RTL3: variants seen among roughly 807,000 people sequenced by gnomAD.
The protein encoded by RTL3 is retrotransposon Gag like 3.
For synonymous variants in RTL3, 181 were observed against 132.2 expected, an observed-to-expected ratio of 1.37 and a Z score of -2.53; for missense variants, 468 against 341.8, an observed-to-expected ratio of 1.37 and a Z score of -2.91.
Position 78,657,145 on chromosome X carries a change from T to C in RTL3, c.1276A>G (p.Ile426Val), listed in dbSNP as rs141348477. 227 of 1,210,851 alleles carry C rather than the reference T, an allele frequency of 1.9e-4. No homozygotes were observed. Among genetic ancestry groups the C allele is most frequent in the Non-Finnish European group, 2.4e-4 (216 of 895,410 alleles). Reference protein sequence around the residue: ...PAENQPMQAAINCPHISEAEW... With the variant: ...PAENQPMQAAVNCPHISEAEW... ...GCTTCACTGATGTGTGGGCAGTTGATTGCAGCCTGCATAGGTTGGTTTTCA... is the reference window on the plus strand; with the variant it reads ...GCTTCACTGATGTGTGGGCAGTTGACTGCAGCCTGCATAGGTTGGTTTTCA... Residue 426 changes from isoleucine to valine, a missense_variant, in exon 2 of 2, where the codon ATC becomes GTC. Coordinates refer to ENST00000321110, the MANE Select transcript of RTL3 (RefSeq NM_152694.3).
rs1401476671 is a variant in RTL3, at chrX:78,656,897, C to T, written c.*96G>A. ...GCTTGCTCAAAGAATTATCTTCTTC[C>T]CAGTTGGATTTCAACAGTAAGCCAT... On this transcript the variant is annotated 3_prime_UTR_variant, in exon 2 of 2. Coordinates refer to ENST00000321110, the MANE Select transcript of RTL3 (RefSeq NM_152694.3). 2.3e-6 allele frequency: 2 copies of T among 865,276 alleles called. No homozygotes were observed. Among genetic ancestry groups the T allele is most frequent in the South Asian group, 5.4e-5 (2 of 36,845 alleles). The allele number at this position is 865,276 out of a possible 1,213,427, so 71.3% of individuals were successfully genotyped here.
rs1923022246 is a variant in RTL3 at position 78,657,398 on chromosome X, G to T, written c.1023C>A (p.Thr341=). 2 of 1,211,820 alleles carry T rather than the reference G, an allele frequency of 1.7e-6. No individual in the cohort carries two copies. Among genetic ancestry groups the T allele is most frequent in the East Asian group, 5.9e-5 (2 of 33,835 alleles). The part of the protein sequence containing the change: ...QLCQGEGHVA[T]HFHLIAQELN... ...GCTCTTGAGCAATGAGGTGGAAGTG[G>T]GTTGCTACATGACCCTCCCCTTGGC... Residue 341 remains threonine (T), a synonymous_variant, in exon 2 of 2, where the codon ACC becomes ACA. Transcript: ENST00000321110.
Position 78,657,261 on chromosome X carries a change from G to T in RTL3, c.1160C>A (p.Thr387Asn). Residue 387 changes from threonine (T) to asparagine (N), a missense_variant, in exon 2 of 2, where the codon ACT becomes AAT. Transcript: ENST00000321110. The stretch of plus-strand genomic sequence containing the variant: ...CTTCTCTTCCAGGCTGATGCACTGA[G>T]TGATGAGATCAGATAGGTTGGTGGC... ...SPATNLSDLITQCISLEEKPD... is the reference protein window; with the variant it reads ...SPATNLSDLINQCISLEEKPD... The T allele has an allele frequency of 8.3e-7, 1 of 1,212,108 alleles. No individual in the cohort carries two copies. The highest frequency in any genetic ancestry group is 1.1e-6 in the Non-Finnish European group (1 of 895,612).
At chrX:78,659,016 C>A (rs1020042936) in intron 1 of RTL3, among the ~76,000 whole-genome samples, 2 of 109,413 alleles carry the variant, frequency 1.8e-5, no homozygotes, top group African/African-American at 6.7e-5. Flanking sequence ...TTAGGCTCTG[C>A]GGTGGGCCAG....
rs1923007547 is a variant in RTL3 at position 78,657,056 on chromosome X, G to A, written c.1365C>T (p.Ala455=). The change falls in exon 2 of 2, where the codon GCC becomes GCT. Residue 455 remains alanine (A), a synonymous_variant. Coordinates refer to ENST00000321110, the MANE Select transcript of RTL3 (RefSeq NM_152694.3). The part of the protein sequence containing the change: ...CLYCGYPGHF[A]RDCPVKPHQA... ...GATGAGGCTTGACAGGGCAATCTCT[G>A]GCAAAATGACCAGGATAACCACAGT... 2.5e-6 allele frequency: 3 copies of A among 1,212,186 alleles called. No homozygotes were observed. Among genetic ancestry groups the A allele is most frequent in the East Asian group, 5.9e-5 (2 of 33,834 alleles).
Position 78,657,391 on chromosome X carries a change from G to A in RTL3, c.1030C>T (p.His344Tyr), listed in dbSNP as rs1420594406. ...QGEGHVATHF[H>Y]LIAQELNWDE... ...CAGTTCAGCTCTTGAGCAATGAGGT[G>A]GAAGTGGGTTGCTACATGACCCTCC... The change falls in exon 2 of 2, where the codon CAC becomes TAC. Residue 344 changes from histidine to tyrosine, a missense_variant. Coordinates refer to ENST00000321110, the MANE Select transcript of RTL3 (RefSeq NM_152694.3). The A allele has an allele frequency of 5.8e-6, 7 of 1,212,023 alleles. No individual in the cohort carries two copies. The highest frequency in any genetic ancestry group is 5.6e-6 in the Non-Finnish European group (5 of 895,555).
In RTL3 at chrX:78,657,696, A is replaced by G. The variant is rs746084470; in HGVS notation, c.725T>C (p.Leu242Ser). The change falls in exon 2 of 2, where the codon TTA (leucine) becomes TCA (serine). Residue 242 changes from leucine (L) to serine (S), a missense_variant. Physicochemically the swap from Leu to Ser is moderately radical, Grantham distance 145. Transcript: ENST00000321110. ...CTTCTGGGAATCTCCACTGAAGGTT[A>G]AAGTGTATTGCAGGGGGAAATCTGT... ...EATDFPLQYT[L>S]TFSGDSQKLP... is the part of the protein sequence containing the mutation. 4 of 1,210,344 alleles carry G rather than the reference A, an allele frequency of 3.3e-6. No individual in the cohort carries two copies. Among genetic ancestry groups the G allele is most frequent in the Non-Finnish European group, 4.5e-6 (4 of 894,890 alleles).
chrX:78,657,415 C>T lies in RTL3; in HGVS notation c.1006G>A (p.Glu336Lys). Residue 336 changes from glutamate (E) to lysine (K), a missense_variant, in exon 2 of 2, where the codon GAG (glutamate) becomes AAG (lysine). Glu to Lys is a moderately conservative substitution (Grantham distance 56, BLOSUM62 1). Coordinates refer to ENST00000321110, the MANE Select transcript of RTL3 (RefSeq NM_152694.3). ...NQCIHQLCQG[E>K]GHVATHFHLI... ...TGGAAGTGGGTTGCTACATGACCCT[C>T]CCCTTGGCAGAGTTGATGGATGCAC... 1.7e-6 allele frequency: 2 copies of T among 1,211,748 alleles called. No individual in the cohort carries two copies. The highest frequency in any genetic ancestry group is 3.5e-5 in the African/African-American group (2 of 57,842).
chrX:78,657,521 G>C lies in RTL3; in HGVS notation c.900C>G (p.Pro300=). The C allele has an allele frequency of 8.3e-7, 1 of 1,206,970 alleles. No individual in the cohort carries two copies. Among genetic ancestry groups the C allele is most frequent in the African/African-American group, 1.7e-5 (1 of 57,634 alleles). The change falls in exon 2 of 2, where the codon CCC becomes CCG. Residue 300 remains proline (P), a synonymous_variant. Transcript: ENST00000321110. ...TGAAACTTTCACATTGCTCCAGTAA[G>C]GGGCTTTGGATATCCAGTAAGAGCT... The part of the protein sequence containing the change: ...WFQLLLDIQS[P]LLEQCESFIP...
In RTL3 at chrX:78,656,643, A is replaced by C. The variant is rs773409571; in HGVS notation, c.*350T>G. ...GTGTCTCAAGCCAATGGATTCCAAT[A>C]ATCAGAGGGTATCGTGGTGCATGAA... On this transcript the variant is annotated 3_prime_UTR_variant, in exon 2 of 2. Coordinates refer to ENST00000321110, the MANE Select transcript of RTL3 (RefSeq NM_152694.3). The C allele has an allele frequency of 5.1e-6, 1 of 196,703 alleles. No individual in the cohort carries two copies. The highest frequency in any genetic ancestry group is 1.5e-4 in the South Asian group (1 of 6,728). 16.2% of individuals were successfully genotyped at this position (196,703 alleles called of 1,213,427 possible).
At position 78,657,671 on chromosome X, in the gene RTL3, C is replaced by A; in HGVS notation, c.750G>T (p.Lys250Asn). ...YTLTFSGDSQ[K>N]LPEFLVQLYS... ...ACAGCTGAACCAGGAACTCAGGAAG[C>A]TTCTGGGAATCTCCACTGAAGGTTA... The change falls in exon 2 of 2, where the codon AAG becomes AAT. Residue 250 changes from lysine (K) to asparagine (N), a missense_variant. Transcript: ENST00000321110. 8.3e-7 allele frequency: 1 copy of A among 1,208,800 alleles called. No homozygotes were observed. Among genetic ancestry groups the A allele is most frequent in the Non-Finnish European group, 1.1e-6 (1 of 894,036 alleles).
rs149485739 is a variant in RTL3, at chrX:78,657,899, C to A, written c.522G>T (p.Gln174His). ...GGAACTCTAGCTGTGCTGCAGTTTC[C>A]TGGTATTCTGGTGCCTCCTGGGGCT... is the stretch of plus-strand genomic sequence containing the variant. ...IEKPQEAPEY[Q>H]ETAAQLEFLE... is the part of the protein sequence containing the mutation. The change falls in exon 2 of 2, where the codon CAG becomes CAT. Residue 174 changes from glutamine to histidine, a missense_variant. Coordinates refer to ENST00000321110, the MANE Select transcript of RTL3 (RefSeq NM_152694.3). 2.1e-4 allele frequency: 253 copies of A among 1,205,573 alleles called. No homozygotes were observed. The African/African-American group carries it at 3.9e-3, about 18-fold the overall frequency.
intron 1 of RTL3, 111 bp from the exon 2 acceptor site, chrX:78,658,759 T>C (rs1423445426): frequency 9.0e-5 from 14 of 154,995 alleles, no homozygotes; most frequent in Non-Finnish European, 1.5e-4. Context: ...CTTATGTTCA[T>C]GAGCTGGGGT....
rs201919349 is a variant in RTL3 at position 78,658,163 on chromosome X, C to T, written c.258G>A (p.Gln86=). The part of the protein sequence containing the change: ...AQKTPEFKEP[Q]KPPEPQDLLP... ...GAAGATCCTGTGGCTCTGGTGGCTT[C>T]TGGGGTTCCTTGAACTCTGGGGTCT... The change falls in exon 2 of 2, where the codon CAG becomes CAA. Residue 86 remains glutamine, a synonymous_variant. Coordinates refer to ENST00000321110, the MANE Select transcript of RTL3 (RefSeq NM_152694.3). 30 of 1,176,536 alleles carry T rather than the reference C, an allele frequency of 2.5e-5. No individual in the cohort carries two copies. In the East Asian group the frequency reaches 8.7e-4, roughly 34 times the overall value.
rs772835189 is a variant in RTL3, at chrX:78,658,042, G to C, written c.379C>G (p.Pro127Ala). The change falls in exon 2 of 2, where the codon CCA becomes GCA. Residue 127 changes from proline (P) to alanine (A), a missense_variant. By Grantham distance (27) the Pro-to-Ala change is conservative. Coordinates refer to ENST00000321110, the MANE Select transcript of RTL3 (RefSeq NM_152694.3). ...PPATRESQKP[P>A]MAHEIPTVLE... ...ACTGTTGGGATCTCATGGGCCATTG[G>C]AGGTTTCTGGGACTCCCGGGTTGCT... is the stretch of plus-strand genomic sequence containing the variant. 19 of 1,158,340 alleles carry C rather than the reference G, an allele frequency of 1.6e-5. No individual in the cohort carries two copies. In the Admixed American group the frequency reaches 5.5e-4, roughly 33 times the overall value.
rs1264142133 is a variant in RTL3 at position 78,657,635 on chromosome X, C to T, written c.786G>A (p.Met262Ile). ...PEFLVQLYSY[M>I]RVRGHLYPTE... ...TGGGATACAGGTGCCCTCTGACTCT[C>T]ATGTAACTATACAGCTGAACCAGGA... is the stretch of plus-strand genomic sequence containing the variant. Residue 262 changes from methionine (M) to isoleucine (I), a missense_variant, in exon 2 of 2, where the codon ATG becomes ATA. By Grantham distance (10) the Met-to-Ile change is conservative. Transcript: ENST00000321110. The T allele has an allele frequency of 8.3e-7, 1 of 1,205,768 alleles. No homozygotes were observed. Among genetic ancestry groups the T allele is most frequent in the Non-Finnish European group, 1.1e-6 (1 of 893,099 alleles).
Position 78,657,736 on chromosome X carries a change from T to C in RTL3, c.685A>G (p.Ile229Val), listed in dbSNP as rs1185025548. Residue 229 changes from isoleucine (I) to valine (V), a missense_variant, in exon 2 of 2, where the codon ATT becomes GTT. Ile to Val is a conservative substitution (Grantham distance 29). Coordinates refer to ENST00000321110, the MANE Select transcript of RTL3 (RefSeq NM_152694.3). ...SAASEFPQAPIGLEATDFPLQ... is the reference protein window; with the variant it reads ...SAASEFPQAPVGLEATDFPLQ... ...GGGAAATCTGTAGCCTCTAACCCAA[T>C]AGGGGCCTGTGGAAACTCTGAAGCT... 2 of 1,209,056 alleles carry C rather than the reference T, an allele frequency of 1.7e-6. No individual in the cohort carries two copies. The highest frequency in any genetic ancestry group is 3.5e-5 in the African/African-American group (2 of 56,875).
chrX:78,657,898 C>T lies in RTL3; in HGVS notation c.523G>A (p.Glu175Lys), dbSNP rs267606516. 2 of 1,205,646 alleles carry T rather than the reference C, an allele frequency of 1.7e-6. No individual in the cohort carries two copies. Among genetic ancestry groups the T allele is most frequent in the East Asian group, 5.9e-5 (2 of 33,722 alleles). Reference sequence around the variant, plus strand: ...AGGAACTCTAGCTGTGCTGCAGTTTCCTGGTATTCTGGTGCCTCCTGGGGC... The same window carrying T: ...AGGAACTCTAGCTGTGCTGCAGTTTTCTGGTATTCTGGTGCCTCCTGGGGC... ...EKPQEAPEYQ[E>K]TAAQLEFLEL... Residue 175 changes from glutamate (E) to lysine (K), a missense_variant, in exon 2 of 2, where the codon GAA becomes AAA. Glu to Lys is a moderately conservative substitution (Grantham distance 56). Transcript: ENST00000321110.
At position 78,658,059 on chromosome X, in the gene RTL3, C is replaced by T. The variant is rs760524568; in HGVS notation, c.362G>A (p.Arg121Gln). ...APESLAPPAT[R>Q]ESQKPPMAHE... ...GGCCATTGGAGGTTTCTGGGACTCCCGGGTTGCTGGAGGCGCCAGGGACTC... is the reference window on the plus strand; with the variant it reads ...GGCCATTGGAGGTTTCTGGGACTCCTGGGTTGCTGGAGGCGCCAGGGACTC... Residue 121 changes from arginine to glutamine, a missense_variant, in exon 2 of 2, where the codon CGG becomes CAG. Physicochemically the swap from Arg to Gln is conservative, Grantham distance 43. Transcript: ENST00000321110. The T allele has an allele frequency of 2.8e-5, 32 of 1,151,092 alleles. No individual in the cohort carries two copies. The highest frequency in any genetic ancestry group is 5.9e-5 in the Admixed American group (2 of 33,688). 94.9% of individuals were successfully genotyped at this position (1,151,092 alleles called of 1,213,427 possible). A position where few individuals can be genotyped will look rare whatever the true frequency, so the allele number is the denominator to read the frequency against.
Sources: allele counts gnomAD v4.1 joint callset (sites outside exome capture counted in the v4.1 genomes callset), GRCh38; gene constraint gnomAD v4.1.1; transcripts MANE v1.5; gene names NCBI Gene and HGNC (gene_info 2026-07-23, HGNC 2026-07-21).